The following TMTC2 variants were observed in gnomAD, a reference collection of about 807,000 sequenced individuals.
TMTC2 encodes protein O-mannosyl-transferase TMTC2.
Under a neutral mutation model 82.4 loss-of-function variants are expected in TMTC2, and 43 were observed. That is an observed-to-expected ratio of 0.52 (90% CI 0.41 to 0.67). The LOEUF is 0.67. Ranked by LOEUF, TMTC2 falls within the 30% of genes least tolerant of loss-of-function variation. The probability of loss-of-function intolerance (pLI) is 0.00; values close to 1 mark genes in which losing one functional copy is unlikely to be tolerated. For synonymous variants in TMTC2, 408 were observed against 381.9 expected (o/e 1.07, Z -0.80); for missense variants, 919 against 1,012.4 (o/e 0.91, Z 1.25).
intron 9 of TMTC2, among the ~76,000 whole-genome samples, chr12:83,037,867 G>T (rs1274227147): frequency 6.6e-6 from 1 of 151,912 alleles, no homozygotes; most frequent in Admixed American, 6.6e-5. Flanking sequence ...ACAATAAACC[G>T]TTAAAGAATA....
At position 82,949,727 on chromosome 12, in the gene TMTC2, A is replaced by T. The variant is rs745559195; in HGVS notation, c.1599-15297A>T. On this transcript the variant is annotated intron_variant, in intron 4 of 11. Transcript: ENST00000321196. ...ATTTGATATAATTATATGATAATAA[A>T]ATCTGAAGAGTTTGTTAGCTGGTAA... 6.6e-5 allele frequency among the ~76,000 whole-genome samples: 10 copies of T among 152,324 alleles called. No individual in the cohort carries two copies. In the South Asian group the frequency reaches 2.1e-3, roughly 32 times the overall value.
chr12:82,948,698 T>C (rs954045716), intron 4 of TMTC2, among the ~76,000 whole-genome samples: 2 of 152,208 alleles, frequency 1.3e-5, no homozygotes, highest in African/African-American at 4.8e-5. Flanking sequence ...ACATTTATGT[T>C]TAAAGTGAGT....
intron 9 of TMTC2, among the ~76,000 whole-genome samples, chr12:83,033,878 A>C (rs934897663): frequency 4.1e-5 from 5 of 122,198 alleles, no homozygotes; most frequent in Non-Finnish European, 6.5e-5. Flanking sequence ...GTATATATAT[A>C]TATGTGTGTG....
intron 3 of TMTC2, among the ~76,000 whole-genome samples, chr12:82,911,887 G>C (rs1300404105): frequency 6.6e-6 from 1 of 152,194 alleles, no homozygotes; most frequent in African/African-American, 2.4e-5. Context: ...TGGGACTACA[G>C]GTGTGAACCA....
At chr12:83,064,657 A>G (rs1018105473) in intron 11 of TMTC2, among the ~76,000 whole-genome samples, 6 of 151,912 alleles carry the variant, frequency 3.9e-5, no homozygotes, top group Admixed American at 3.3e-4. Flanking sequence ...CCATCTAAGT[A>G]CTAACCAGCC....
chr12:83,033,194 T>C (rs1417232416), intron 9 of TMTC2, among the ~76,000 whole-genome samples: 1 of 152,156 alleles, frequency 6.6e-6, no homozygotes, highest in Non-Finnish European at 1.5e-5. Flanking sequence ...AAGGCCATAA[T>C]TGAGTGCGTG....
intron 8 of TMTC2, among the ~76,000 whole-genome samples, chr12:83,008,235 G>A (rs118112119): frequency 0.027 from 4,056 of 152,174 alleles, 85 homozygotes; most frequent in Non-Finnish European, 0.041. Flanking sequence ...CTCTGGTTTT[G>A]TATCTTTCAT....
At chr12:82,945,650 A>G (rs919550430) in intron 4 of TMTC2, among the ~76,000 whole-genome samples, 3 of 152,324 alleles carry the variant, frequency 2.0e-5, no homozygotes, top group East Asian at 3.9e-4. Context: ...TTGCATTATG[A>G]AAAAAGTTTC....
At chr12:83,103,916 T>C (rs1884311149) in intron 11 of TMTC2, among the ~76,000 whole-genome samples, 1 of 152,186 alleles carries the variant, frequency 6.6e-6, no homozygotes, top group African/African-American at 2.4e-5. Context: ...CCTTGTATAG[T>C]TTTCTGTACA....
At chr12:82,693,742 G>C (rs1041898805) in intron 1 of TMTC2, among the ~76,000 whole-genome samples, 11 of 152,046 alleles carry the variant, frequency 7.2e-5, no homozygotes, top group Non-Finnish European at 1.3e-4. Context: ...GGCCGAGGCG[G>C]GTGGATCACG....
At chr12:83,041,021 G>C (rs1426594667) in intron 9 of TMTC2, among the ~76,000 whole-genome samples, 4 of 152,218 alleles carry the variant, frequency 2.6e-5, no homozygotes, top group Non-Finnish European at 4.4e-5. Context: ...ATAAAGAAGG[G>C]AAGACTGGCC....
chr12:82,768,874 G>A (rs1237713281), intron 1 of TMTC2, among the ~76,000 whole-genome samples: 1 of 151,960 alleles, frequency 6.6e-6, no homozygotes, highest in African/African-American at 2.4e-5. Context: ...TTTTGACTGT[G>A]GCAAGATTGT....
chr12:83,116,365 T>C (rs1291556506), intron 11 of TMTC2, among the ~76,000 whole-genome samples: 1 of 152,250 alleles, frequency 6.6e-6, no homozygotes, highest in Admixed American at 6.5e-5. Context: ...GGTTCCATGT[T>C]TTTGCAATTG....
intron 4 of TMTC2, among the ~76,000 whole-genome samples, chr12:82,959,261 T>G (rs1877782501): frequency 6.6e-6 from 1 of 152,092 alleles, no homozygotes; most frequent in Non-Finnish European, 1.5e-5. Context: ...CCAAAGCAAT[T>G]TACAGATTCA....
At chr12:82,983,664 T>C (rs1439510740) in intron 7 of TMTC2, among the ~76,000 whole-genome samples, 1 of 152,072 alleles carries the variant, frequency 6.6e-6, no homozygotes. Flanking sequence ...AGAAGCTATA[T>C]TAAATACAAT....
At chr12:82,943,504 G>A (rs1215745488) in intron 4 of TMTC2, among the ~76,000 whole-genome samples, 2 of 152,198 alleles carry the variant, frequency 1.3e-5, no homozygotes, top group East Asian at 1.9e-4. Flanking sequence ...ATCCCTGCTA[G>A]TTTTGGAGGT....
At chr12:83,117,883 A>G (rs1231424258) in intron 11 of TMTC2, among the ~76,000 whole-genome samples, 1 of 150,580 alleles carries the variant, frequency 6.6e-6, no homozygotes, top group East Asian at 1.9e-4. Context: ...TTGGTTAGGT[A>G]TATTCCTAAG....
chr12:82,713,270 G>A (rs1873724985), intron 1 of TMTC2, among the ~76,000 whole-genome samples: 1 of 151,774 alleles, frequency 6.6e-6, no homozygotes, highest in African/African-American at 2.4e-5. Flanking sequence ...AGCCAAGATA[G>A]TGCCATTGCA....
intron 1 of TMTC2, among the ~76,000 whole-genome samples, chr12:82,837,893 T>TTATA (rs532960124): frequency 2.6e-5 from 4 of 152,150 alleles, no homozygotes; most frequent in Admixed American, 6.5e-5. Context: ...TGTTTGGAGA[T>TTATA]TATAGAGTAA....
Sources: allele counts gnomAD v4.1 joint callset (sites outside exome capture counted in the v4.1 genomes callset), GRCh38; gene constraint gnomAD v4.1.1; transcripts MANE v1.5; gene names NCBI Gene and HGNC (gene_info 2026-07-23, HGNC 2026-07-21).